The following CTNNA3 variants were observed in gnomAD, a reference collection of about 807,000 sequenced individuals.
CTNNA3 encodes the protein catenin alpha 3.
Under a neutral mutation model 95.7 loss-of-function variants are expected in CTNNA3, and 76 were observed. That is an observed-to-expected ratio of 0.79 (90% CI 0.66 to 0.96). The LOEUF (loss-of-function observed/expected upper bound fraction) is 0.96. Ranked by LOEUF, CTNNA3 falls within the 40% of genes least tolerant of loss-of-function variation. The pLI, the probability that CTNNA3 is intolerant of heterozygous loss-of-function variation, is 0.00. For missense variants in CTNNA3, 1,191 were observed against 1,089.8 expected (o/e 1.09, Z -1.31); for synonymous variants, 431 against 374.4 (o/e 1.15, Z -1.74).
intron 5 of CTNNA3, among the ~76,000 whole-genome samples, chr10:67,299,717 T>C (rs1840191796): frequency 6.6e-6 from 1 of 152,232 alleles, no homozygotes; most frequent in African/African-American, 2.4e-5. Flanking sequence ...ATTATAGAAA[T>C]ATGTTTAGAG....
At chr10:66,807,102 T>A (rs769366292) in intron 7 of CTNNA3, among the ~76,000 whole-genome samples, 1 of 151,966 alleles carries the variant, frequency 6.6e-6, no homozygotes, top group Non-Finnish European at 1.5e-5. Flanking sequence ...AAGTCTTAGG[T>A]TGGTGTTTAT....
At chr10:67,478,914 T>C (rs1230917611) in intron 5 of CTNNA3, among the ~76,000 whole-genome samples, 1 of 148,080 alleles carries the variant, frequency 6.8e-6, no homozygotes, top group Non-Finnish European at 1.5e-5. Flanking sequence ...AAGTAATGAG[T>C]TGGGAAAAGA....
intron 15 of CTNNA3, among the ~76,000 whole-genome samples, chr10:66,062,346 C>T (rs1157742210): frequency 6.6e-6 from 1 of 152,008 alleles, no homozygotes; most frequent in Non-Finnish European, 1.5e-5. Context: ...ATATGGAGGA[C>T]TTCAAGTGTA....
chr10:66,220,161 A>G (rs1484580196), intron 13 of CTNNA3, among the ~76,000 whole-genome samples: 2 of 152,132 alleles, frequency 1.3e-5, no homozygotes, highest in Non-Finnish European at 2.9e-5. Flanking sequence ...GATATCCACA[A>G]ACACAGAAAC....
chr10:66,153,552 C>G lies in CTNNA3; in HGVS notation c.1885-50303G>C, dbSNP rs1217411025. Among the ~76,000 whole-genome samples, 3 of 151,928 alleles carry G rather than the reference C, an allele frequency of 2.0e-5. No homozygotes were observed. The East Asian group carries it at 5.8e-4, about 29-fold the overall frequency. The stretch of plus-strand genomic sequence containing the variant: ...TCTGCTGCAGACATGCTCAATTCAC[C>G]TGTCAGCCTGAGAATTGGGCAAAGT... On this transcript the variant is annotated intron_variant, in intron 13 of 17. Coordinates refer to ENST00000433211, the MANE Select transcript of CTNNA3 (RefSeq NM_013266.4).
chr10:66,856,252 ATT>A (rs1843678058), intron 7 of CTNNA3, among the ~76,000 whole-genome samples: 1 of 151,858 alleles, frequency 6.6e-6, no homozygotes, highest in Non-Finnish European at 1.5e-5. Flanking sequence ...AGGACATGAT[ATT>A]TTCTTTTATG....
Position 67,543,809 on chromosome 10 carries a change from G to A in CTNNA3, c.293-4140C>T, listed in dbSNP as rs181013162. Among the ~76,000 whole-genome samples, 37 of 152,254 alleles carry A rather than the reference G, an allele frequency of 2.4e-4. No individual in the cohort carries two copies. The East Asian group carries it at 6.8e-3, about 28-fold the overall frequency. ...TTTGGTTTTATTTGTTTTTGGTTGG[G>A]AAACTGCCATTTTGAATTTGAAAAC... On this transcript the variant is annotated intron_variant, in intron 3 of 17. Coordinates refer to ENST00000433211, the MANE Select transcript of CTNNA3 (RefSeq NM_013266.4).
intron 7 of CTNNA3, among the ~76,000 whole-genome samples, chr10:67,071,896 C>A (rs1454197036): frequency 6.6e-6 from 1 of 152,088 alleles, no homozygotes; most frequent in Non-Finnish European, 1.5e-5. Flanking sequence ...CTCTTAATTT[C>A]AGATAGAGGT....
intron 7 of CTNNA3, among the ~76,000 whole-genome samples, chr10:66,854,216 T>C: frequency 6.6e-6 from 1 of 152,076 alleles, no homozygotes; most frequent in East Asian, 1.9e-4. Context: ...TTTCCAAAAA[T>C]AGGCATGTTT....
chr10:66,723,890 G>A (rs1393556588), intron 9 of CTNNA3, among the ~76,000 whole-genome samples: 2 of 152,134 alleles, frequency 1.3e-5, no homozygotes, highest in Non-Finnish European at 2.9e-5. Context: ...GAAAAAACTA[G>A]ATTTTCAGAG....
At chr10:67,379,913 T>C (rs1024358312) in intron 5 of CTNNA3, among the ~76,000 whole-genome samples, 5 of 147,996 alleles carry the variant, frequency 3.4e-5, no homozygotes, top group South Asian at 2.1e-4. Context: ...CCCAGCTACT[T>C]GGGAGGCTGA....
At chr10:67,363,210 T>C (rs1389886576) in intron 5 of CTNNA3, among the ~76,000 whole-genome samples, 1 of 152,090 alleles carries the variant, frequency 6.6e-6, no homozygotes, top group Non-Finnish European at 1.5e-5. Flanking sequence ...ATCTACACAT[T>C]CAATGCTATT....
intron 13 of CTNNA3, among the ~76,000 whole-genome samples, chr10:66,233,311 T>C (rs2132016702): frequency 6.6e-6 from 1 of 151,588 alleles, no homozygotes; most frequent in East Asian, 2.0e-4. Context: ...TCACTAACCA[T>C]AAAGGGAACA....
At chr10:66,527,763 C>A (rs1216015798) in intron 10 of CTNNA3, among the ~76,000 whole-genome samples, 1 of 152,014 alleles carries the variant, frequency 6.6e-6, no homozygotes, top group Non-Finnish European at 1.5e-5. Context: ...TACAAAGACA[C>A]ACTGATTTTT....
At chr10:67,059,506 C>T (rs181839130) in intron 7 of CTNNA3, among the ~76,000 whole-genome samples, 3 of 152,126 alleles carry the variant, frequency 2.0e-5, no homozygotes, top group Admixed American at 1.3e-4. Flanking sequence ...TGAAATTTAG[C>T]CATAGAAAAT....
At chr10:66,753,638 G>A (rs989859871) in intron 9 of CTNNA3, among the ~76,000 whole-genome samples, 68 of 149,962 alleles carry the variant, frequency 4.5e-4, no homozygotes, top group Admixed American at 1.5e-3. Flanking sequence ...CTCTAGCCTC[G>A]GCAAAAAGAA....
chr10:66,011,873 G>T (rs1207645623), intron 15 of CTNNA3, among the ~76,000 whole-genome samples: 1 of 152,162 alleles, frequency 6.6e-6, no homozygotes. Context: ...ATTAACAGTT[G>T]TTAATTTGTT....
At chr10:66,009,025 T>C (rs967724939) in intron 15 of CTNNA3, among the ~76,000 whole-genome samples, 3 of 151,888 alleles carry the variant, frequency 2.0e-5, no homozygotes, top group Admixed American at 6.6e-5. Flanking sequence ...ACTTGAACCC[T>C]GGAGGCGGAG....
At chr10:66,601,151 G>A (rs1005737277) in intron 10 of CTNNA3, among the ~76,000 whole-genome samples, 1 of 151,706 alleles carries the variant, frequency 6.6e-6, no homozygotes, top group African/African-American at 2.4e-5. Context: ...CATGAGAAGA[G>A]GTCATCTTTT....
Sources: gnomAD v4.1 joint callset for allele counts (sites outside exome capture counted in the v4.1 genomes callset) on GRCh38, gnomAD v4.1.1 for gene constraint, MANE v1.5 for transcripts, NCBI Gene and HGNC (gene_info 2026-07-23, HGNC 2026-07-21) for gene names.